The following XPO5 variants were observed in gnomAD, a reference collection of about 807,000 sequenced individuals.
XPO5 encodes exportin 5, also known as exportin-5.
XPO5 carries 46 observed loss-of-function variants against 160.6 expected under a neutral mutation model. The observed-to-expected ratio is 0.29, with a 90% CI of 0.23 to 0.37. The LOEUF is 0.37. Ranked by LOEUF, XPO5 falls within the 10% of genes least tolerant of loss-of-function variation. The pLI is 1.00. For synonymous variants in XPO5, 537 were observed against 519.3 expected (o/e 1.03, Z -0.46); for missense variants, 1,090 against 1,463.9 (o/e 0.74, Z 4.17).
chr6:43,565,048 G>A (rs1181756330), intron 8 of XPO5, among the ~76,000 whole-genome samples: 2 of 151,674 alleles, frequency 1.3e-5, no homozygotes, highest in Middle Eastern at 6.8e-3. Context: ...TCAGCCTCCT[G>A]AGTAGCTGGG....
chr6:43,564,925 T>TC (rs200344026), intron 8 of XPO5, among the ~76,000 whole-genome samples: 8 of 127,252 alleles, frequency 6.3e-5, no homozygotes, highest in South Asian at 2.5e-4. Flanking sequence ...ATTTTCTCTC[T>TC]TTTTTTTTTT....
intron 5 of XPO5, among the ~76,000 whole-genome samples, chr6:43,569,796 C>A (rs913387773): frequency 4.0e-5 from 6 of 150,366 alleles, no homozygotes; most frequent in African/African-American, 1.5e-4. Context: ...AAGAATAACA[C>A]CTAGGGCTGG....
At chr6:43,554,441 T>C (rs1582230075) in intron 13 of XPO5, among the ~76,000 whole-genome samples, 1 of 149,744 alleles carries the variant, frequency 6.7e-6, no homozygotes, top group African/African-American at 2.5e-5. Context: ...TTTTTTCTTT[T>C]TTGAGATGGA....
intron 31 of XPO5, 35 bp downstream of exon 31, chr6:43,524,436 G>C (rs1162015747): frequency 1.3e-6 from 2 of 1,599,728 alleles, no homozygotes; most frequent in Non-Finnish European, 1.7e-6. Context: ...ATTTAAGAAG[G>C]GGGTTGGGAG....
At chr6:43,574,483 GTATA>G (rs1763188862) in intron 1 of XPO5, among the ~76,000 whole-genome samples, 1 of 149,990 alleles carries the variant, frequency 6.7e-6, no homozygotes. Flanking sequence ...TATTTTATGT[GTATA>G]TATTATATAT....
intron 21 of XPO5, among the ~76,000 whole-genome samples, chr6:43,532,591 C>T (rs537725671): frequency 6.6e-5 from 10 of 152,290 alleles, no homozygotes; most frequent in African/African-American, 2.2e-4. Context: ...TCTCTTGCCT[C>T]AGATCTTATA....
At chr6:43,560,027 C>T in intron 11 of XPO5, 151 bp downstream of exon 11, 2 of 932,066 alleles carry the variant, frequency 2.1e-6, no homozygotes, top group Non-Finnish European at 3.1e-6. Flanking sequence ...CCATGTCGCA[C>T]AGGCTGGTCT....
chr6:43,541,724 C>A (rs2127721474), intron 20 of XPO5, among the ~76,000 whole-genome samples: 1 of 152,296 alleles, frequency 6.6e-6, no homozygotes. Context: ...AAGGTTGATC[C>A]ACAGTGTAGT....
intron 21 of XPO5, chr6:43,533,430 G>C (rs1794126947): frequency 6.5e-6 from 1 of 152,832 alleles, no homozygotes; most frequent in Non-Finnish European, 1.5e-5. Flanking sequence ...AGATAATGAA[G>C]TAAATACACT....
intron 20 of XPO5, among the ~76,000 whole-genome samples, chr6:43,535,739 G>A (rs1370156512): frequency 1.3e-5 from 2 of 151,334 alleles, no homozygotes; most frequent in African/African-American, 4.9e-5. Flanking sequence ...GCGTGAACCC[G>A]GGAGGCGGAG....
chr6:43,570,003 C>CT (rs35322286), intron 5 of XPO5, among the ~76,000 whole-genome samples: 7,541 of 85,300 alleles, frequency 0.088, 439 homozygotes, highest in African/African-American at 0.13. Flanking sequence ...AGATCCCTAT[C>CT]TTTTTTTTTT....
At chr6:43,524,439 GT>G (rs1793415998) in intron 31 of XPO5, 31 bp downstream of exon 31, 1 of 1,605,366 alleles carries the variant, frequency 6.2e-7, no homozygotes, top group Non-Finnish European at 8.5e-7. Flanking sequence ...TAAGAAGGGG[GT>G]TGGGAGCACT....
chr6:43,528,154 C>A lies in XPO5; in HGVS notation c.2822+5G>T. 6.3e-7 allele frequency: 1 copy of A among 1,590,256 alleles called. No homozygotes were observed. The highest frequency in any genetic ancestry group is 1.3e-5 in the African/African-American group (1 of 74,664). ...CACCAAGAAGAGTGGGTAGGTATCC[C>A]TTACCACAGCAGGCTCCTTTGGTTG... On this transcript the variant is annotated splice_donor_5th_base_variant and intron_variant, in intron 25 of 31. Transcript: ENST00000265351.
intron 20 of XPO5, among the ~76,000 whole-genome samples, chr6:43,542,615 G>A (rs1000919281): frequency 2.0e-5 from 3 of 151,870 alleles, no homozygotes; most frequent in Non-Finnish European, 2.9e-5. Context: ...GAGTAGAGAC[G>A]GGGTTTCACC....
chr6:43,528,684 T>G (rs1029296579), intron 24 of XPO5, 144 bp downstream of exon 24: 6 of 742,330 alleles, frequency 8.1e-6, no homozygotes, highest in Non-Finnish European at 1.4e-5. Context: ...ACAGCAAGGA[T>G]AGTCAGCTGG....
At chr6:43,527,567 T>C (rs1793679207) in intron 26 of XPO5, 67 bp downstream of exon 26, 3 of 1,528,774 alleles carry the variant, frequency 2.0e-6, no homozygotes, top group Admixed American at 1.7e-5. Context: ...CTTCATGGAG[T>C]TGGCTGAGCG....
chr6:43,544,990 A>T (rs933246602), intron 20 of XPO5, among the ~76,000 whole-genome samples: 1 of 152,132 alleles, frequency 6.6e-6, no homozygotes, highest in Non-Finnish European at 1.5e-5. Flanking sequence ...CTCCTGCCTC[A>T]GCCTCTCGAG....
intron 17 of XPO5, 66 bp downstream of exon 17, chr6:43,549,423 T>C: frequency 2.7e-6 from 4 of 1,485,658 alleles, no homozygotes; most frequent in Non-Finnish European, 3.6e-6. Context: ...TGAGGTACAC[T>C]GAAAGCTGGA....
rs939182942 is a variant in XPO5 at position 43,551,424 on chromosome 6, T to C, written c.1602A>G (p.Leu534=). 1.2e-6 allele frequency: 2 copies of C among 1,613,944 alleles called. No homozygotes were observed. Among genetic ancestry groups the C allele is most frequent in the Non-Finnish European group, 1.7e-6 (2 of 1,179,872 alleles). ...EEIPVNDGIE[L]LQMVLNFDTK... is the part of the protein sequence containing the mutation. ...TATCAAAGTTCAGAACCATCTGCAA[T>C]AGCTCTATTCCATCATTAACAGGAA... Residue 534 remains leucine, a synonymous_variant, in exon 15 of 32, where the codon CTA becomes CTG. Transcript: ENST00000265351.
Sources: allele counts gnomAD v4.1 joint callset (sites outside exome capture counted in the v4.1 genomes callset), GRCh38; gene constraint gnomAD v4.1.1; transcripts MANE v1.5; gene names NCBI Gene and HGNC (gene_info 2026-07-23, HGNC 2026-07-21).